The following DZIP1 variants were observed in gnomAD, a reference collection of about 807,000 sequenced individuals.
DZIP1 encodes cilium assembly protein DZIP1.
Under a neutral mutation model 107.6 loss-of-function variants are expected in DZIP1, and 97 were observed. The ratio of observed to expected loss-of-function variants is 0.90; its 90% CI spans 0.77 to 1.07. The LOEUF is 1.07. Among genes scored for constraint, DZIP1 ranks in the 50% least tolerant of loss-of-function variants. The pLI is 0.00. For missense variants in DZIP1, 1,035 were observed against 1,063.6 expected (o/e 0.97, Z 0.37); for synonymous variants, 390 against 386.4 (o/e 1.01, Z -0.11).
chr13:95,613,216 G>C (rs1012821287), intron 10 of DZIP1, among the ~76,000 whole-genome samples: 9 of 152,144 alleles, frequency 5.9e-5, no homozygotes, highest in African/African-American at 2.2e-4. Flanking sequence ...AAGAAACAAA[G>C]GGGGGGCGGC....
intron 5 of DZIP1, 43 bp from the exon 6 acceptor site, chr13:95,633,364 G>A (rs749703476): frequency 3.3e-6 from 5 of 1,537,632 alleles, no homozygotes; most frequent in Non-Finnish European, 4.5e-6. Context: ...TGTAACGACT[G>A]TCGTCCCACT....
rs1420910758 is a variant in DZIP1 at position 95,589,784 on chromosome 13, T to C, written c.1973+19A>G. 7.5e-6 allele frequency: 12 copies of C among 1,608,728 alleles called. No homozygotes were observed. The highest frequency in any genetic ancestry group is 9.3e-6 in the Non-Finnish European group (11 of 1,178,014). Reference sequence around the variant, plus strand: ...AAGACAAACACTGATAAAATAAATCTGAGGGCTGAAATACTCACTTTGGAA... The same window carrying C: ...AAGACAAACACTGATAAAATAAATCCGAGGGCTGAAATACTCACTTTGGAA... On this transcript the variant is annotated intron_variant, in intron 18 of 22. Coordinates refer to ENST00000376829, the MANE Select transcript of DZIP1 (RefSeq NM_198968.4).
At chr13:95,613,208 G>A (rs2045069133) in intron 10 of DZIP1, among the ~76,000 whole-genome samples, 1 of 152,176 alleles carries the variant, frequency 6.6e-6, no homozygotes, top group South Asian at 2.1e-4. Flanking sequence ...AGGCTAAAAA[G>A]AAACAAAGGG....
chr13:95,611,034 C>G (rs1479763432), intron 12 of DZIP1, among the ~76,000 whole-genome samples: 1 of 152,174 alleles, frequency 6.6e-6, no homozygotes, highest in Non-Finnish European at 1.5e-5. Flanking sequence ...CGTATTCCTG[C>G]TATAAAGCTG....
At chr13:95,590,503 A>G (rs2044284032) in intron 16 of DZIP1, 62 bp from the exon 17 acceptor site, 1 of 1,498,666 alleles carries the variant, frequency 6.7e-7, no homozygotes, top group African/African-American at 1.4e-5. Context: ...ATGGGCATAT[A>G]TCAGCATTAA....
intron 13 of DZIP1, among the ~76,000 whole-genome samples, chr13:95,608,447 G>GT (rs58952039): frequency 0.027 from 3,702 of 138,146 alleles, 134 homozygotes; most frequent in African/African-American, 0.084. Flanking sequence ...ATAGACTTGG[G>GT]TTTTTTTTTT....
intron 15 of DZIP1, among the ~76,000 whole-genome samples, chr13:95,598,065 T>A (rs2044508474): frequency 1.3e-5 from 2 of 152,216 alleles, no homozygotes; most frequent in African/African-American, 4.8e-5. Flanking sequence ...CTTTTAAAGT[T>A]ATGCTCATCA....
chr13:95,599,404 T>G lies in DZIP1; in HGVS notation c.1498A>C (p.Ile500Leu), dbSNP rs537892601. The G allele has an allele frequency of 6.2e-7, 1 of 1,613,876 alleles. No homozygotes were observed. The highest frequency in any genetic ancestry group is 1.1e-5 in the South Asian group (1 of 91,074). ...GAAAGTTCTTCTATTGGTTCCAGTA[T>G]GTGCGACGAGAATGCCTGTTCTATT... ...MVHEQAFSSH[I>L]LEPIEELSEE... Residue 500 changes from isoleucine (I) to leucine (L), a missense_variant, in exon 15 of 23, where the codon ATA becomes CTA. Transcript: ENST00000376829.
intron 7 of DZIP1, among the ~76,000 whole-genome samples, chr13:95,628,665 T>A (rs1176751065): frequency 6.6e-6 from 1 of 152,186 alleles, no homozygotes; most frequent in African/African-American, 2.4e-5. Context: ...CAAAATGTGG[T>A]ATACATACAT....
At chr13:95,630,155 A>C in intron 6 of DZIP1, 42 bp from the exon 7 acceptor site, 1 of 1,586,674 alleles carries the variant, frequency 6.3e-7, no homozygotes, top group South Asian at 1.2e-5. Flanking sequence ...ATCTCTTACC[A>C]AATGTACCTG....
chr13:95,590,841 A>C (rs1319379682), intron 16 of DZIP1, among the ~76,000 whole-genome samples: 1 of 152,142 alleles, frequency 6.6e-6, no homozygotes, highest in Non-Finnish European at 1.5e-5. Context: ...GGTAGGCATG[A>C]GATAGGGACA....
At chr13:95,601,443 T>C (rs2044614792) in intron 14 of DZIP1, among the ~76,000 whole-genome samples, 1 of 152,218 alleles carries the variant, frequency 6.6e-6, no homozygotes, top group South Asian at 2.1e-4. Context: ...AAAATCCTTG[T>C]CAGTTTCCTG....
Position 95,611,495 on chromosome 13 carries a change from T to C in DZIP1, c.1315-2A>G. The C allele has an allele frequency of 6.2e-7, 1 of 1,608,218 alleles. No homozygotes were observed. Among genetic ancestry groups the C allele is most frequent in the South Asian group, 1.1e-5 (1 of 90,934 alleles). On this transcript the variant is annotated splice_acceptor_variant, in intron 11 of 22. Transcript: ENST00000376829. LOFTEE classifies it high-confidence loss of function. ...TGGATTACAGGTAAAGTCTTTAATC[T>C]GCAAAGAAATACAGTCTTCTAGTGA...
chr13:95,632,684 C>T (rs1047930283), intron 6 of DZIP1, among the ~76,000 whole-genome samples: 3 of 152,200 alleles, frequency 2.0e-5, no homozygotes, highest in African/African-American at 7.2e-5. Context: ...ACATTCCAGC[C>T]CACGCCTTCA....
chr13:95,609,606 AC>A, intron 12 of DZIP1, 93 bp from the exon 13 acceptor site: 1 of 830,810 alleles, frequency 1.2e-6, no homozygotes, highest in Non-Finnish European at 1.8e-6. Context: ...CCCATAAAAA[AC>A]ATAAATGAAA....
At chr13:95,635,749 G>A (rs1430011700) in intron 5 of DZIP1, among the ~76,000 whole-genome samples, 1 of 152,144 alleles carries the variant, frequency 6.6e-6, no homozygotes, top group Non-Finnish European at 1.5e-5. Context: ...TAACGATACT[G>A]TTCCTAACAG....
At chr13:95,604,949 C>T (rs1453561668) in intron 14 of DZIP1, among the ~76,000 whole-genome samples, 2 of 152,004 alleles carry the variant, frequency 1.3e-5, no homozygotes, top group African/African-American at 4.8e-5. Context: ...TGTTACTGGT[C>T]TAAAGGAAAA....
At chr13:95,637,604 A>ATCTCTCTCTC (rs10539901) in intron 5 of DZIP1, among the ~76,000 whole-genome samples, 1 of 145,072 alleles carries the variant, frequency 6.9e-6, no homozygotes. Flanking sequence ...GACATTAGCG[A>ATCTCTCTCTC]TCTCTCTCTC....
chr13:95,626,007 C>T (rs964673885), intron 7 of DZIP1, among the ~76,000 whole-genome samples: 2 of 151,910 alleles, frequency 1.3e-5, no homozygotes, highest in Non-Finnish European at 2.9e-5. Flanking sequence ...TGGTACGTGC[C>T]TGTAATCCCA....
Sources: gnomAD v4.1 joint callset for allele counts (sites outside exome capture counted in the v4.1 genomes callset) on GRCh38, gnomAD v4.1.1 for gene constraint, MANE v1.5 for transcripts, NCBI Gene and HGNC (gene_info 2026-07-23, HGNC 2026-07-21) for gene names.